INO80: variants seen among roughly 807,000 people sequenced by gnomAD.
INO80 encodes the protein chromatin-remodeling ATPase INO80.
A neutral mutation model predicts 203.4 loss-of-function variants in INO80; 20 were observed. The observed-to-expected ratio is 0.10, with a 90% CI of 0.07 to 0.14. The LOEUF (loss-of-function observed/expected upper bound fraction) is 0.14, where lower values mean the gene tolerates loss of function less well. INO80 is among the 10% of genes least tolerant of loss of function. The pLI, the probability that INO80 is intolerant of heterozygous loss-of-function variation, is 1.00. For synonymous variants in INO80, 726 were observed against 685.2 expected (o/e 1.06, Z -0.93); for missense variants, 1,419 against 1,914.4 (o/e 0.74, Z 4.83).
intron 19 of INO80, 84 bp downstream of exon 19, chr15:41,053,845 A>C: frequency 2.9e-6 from 3 of 1,022,584 alleles, no homozygotes; most frequent in Non-Finnish European, 4.4e-6. Context: ...AACTTCAACT[A>C]AACATATATC....
chr15:41,114,533 A>AC (rs1312702425), intron 1 of INO80, among the ~76,000 whole-genome samples: 5 of 151,610 alleles, frequency 3.3e-5, no homozygotes, highest in Non-Finnish European at 1.5e-5. Flanking sequence ...ACATGGTGAA[A>AC]CCCCGTTTCT....
Position 41,096,393 on chromosome 15 carries a change from T to C in INO80, c.-43-40A>G. On this transcript the variant is annotated intron_variant, in intron 1 of 35. Coordinates refer to ENST00000648947, the MANE Select transcript of INO80 (RefSeq NM_017553.3). ...TAAGAAGTGAAAGATGAAATTACTATCCATTCTCCCTTTCTCTTGCCTGCT... is the reference window on the plus strand; with the variant it reads ...TAAGAAGTGAAAGATGAAATTACTACCCATTCTCCCTTTCTCTTGCCTGCT... 5.8e-6 allele frequency: 8 copies of C among 1,373,524 alleles called. No individual in the cohort carries two copies. The South Asian group carries it at 6.6e-5, about 11-fold the overall frequency. The allele number at this position is 1,373,524 out of a possible 1,614,324, so 85.1% of individuals were successfully genotyped here.
At chr15:41,043,163 G>T (rs78016195) in intron 24 of INO80, among the ~76,000 whole-genome samples, 6,817 of 152,216 alleles carry the variant, frequency 0.045, 279 homozygotes, top group East Asian at 0.21. Flanking sequence ...ATACAAATGA[G>T]TGATGCATAT....
chr15:40,987,764 TG>T, intron 30 of INO80, 51 bp downstream of exon 30: 2 of 1,543,738 alleles, frequency 1.3e-6, no homozygotes, highest in South Asian at 2.3e-5. Context: ...TCAATGTGGT[TG>T]GACTTTCTGT....
chr15:41,101,706 C>T (rs928870517), intron 1 of INO80, among the ~76,000 whole-genome samples: 13 of 151,924 alleles, frequency 8.6e-5, no homozygotes, highest in African/African-American at 2.7e-4. Context: ...CCCGCCACAA[C>T]GCCTGGCTAA....
intron 26 of INO80, among the ~76,000 whole-genome samples, chr15:41,020,539 G>A (rs2044277415): frequency 6.6e-6 from 1 of 152,034 alleles, no homozygotes; most frequent in East Asian, 1.9e-4. Flanking sequence ...TTTAAATGAG[G>A]CTTTCTGTGA....
chr15:41,080,024 T>G (rs2045462544), intron 8 of INO80, 120 bp from the exon 9 acceptor site: 2 of 805,964 alleles, frequency 2.5e-6, no homozygotes, highest in Non-Finnish European at 2.1e-6. Flanking sequence ...TGACCACATC[T>G]TTCTCCTGCA....
At chr15:41,037,534 G>T (rs1477516204) in intron 24 of INO80, among the ~76,000 whole-genome samples, 1 of 151,956 alleles carries the variant, frequency 6.6e-6, no homozygotes, top group African/African-American at 2.4e-5. Context: ...ATAAAATAAT[G>T]TTAAGCTTAG....
chr15:41,039,919 T>C (rs549162782), intron 24 of INO80, among the ~76,000 whole-genome samples: 2 of 152,308 alleles, frequency 1.3e-5, no homozygotes, highest in African/African-American at 4.8e-5. Context: ...TACATGTATA[T>C]AATTTAAAAC....
chr15:41,093,641 A>AT (rs1370377312), intron 4 of INO80, among the ~76,000 whole-genome samples: 1 of 152,058 alleles, frequency 6.6e-6, no homozygotes, highest in Non-Finnish European at 1.5e-5. Flanking sequence ...AGGCAGGCAG[A>AT]TTGCTTGAGC....
chr15:41,072,131 A>G lies in INO80; in HGVS notation c.1396-73T>C. ...ATATTACATGAAAATAAGACTCAAG[A>G]TAACAATATATCTACCCTGTGCTAA... On this transcript the variant is annotated intron_variant, in intron 11 of 35. Transcript: ENST00000648947. The G allele has an allele frequency of 1.1e-5, 11 of 981,506 alleles. No individual in the cohort carries two copies. The South Asian group carries it at 1.3e-4, about 12-fold the overall frequency. The allele number at this position is 981,506 out of a possible 1,614,324, so 60.8% of individuals were successfully genotyped here.
intron 24 of INO80, among the ~76,000 whole-genome samples, chr15:41,037,104 A>G (rs1001920187): frequency 3.9e-5 from 6 of 152,124 alleles, no homozygotes; most frequent in African/African-American, 1.4e-4. Context: ...CTCTATCTCA[A>G]AAAACAAAAC....
intron 3 of INO80, 44 bp from the exon 4 acceptor site, chr15:41,095,712 G>A: frequency 6.2e-7 from 1 of 1,605,800 alleles, no homozygotes; most frequent in Non-Finnish European, 8.5e-7. Context: ...AAGGATGACT[G>A]CCCCAAGATA....
rs758419415 is a variant in INO80, at chr15:41,096,251, G to C, written c.60C>G (p.Leu20=). 2.5e-6 allele frequency: 4 copies of C among 1,612,712 alleles called. No homozygotes were observed. Among genetic ancestry groups the C allele is most frequent in the Admixed American group, 1.7e-5 (1 of 59,440 alleles). ...GGGCCCTCTCCAAGTACTGAAGATAGAGGGGCTTTGCCAGCTCAGTGCAGC... is the reference window on the plus strand; with the variant it reads ...GGGCCCTCTCCAAGTACTGAAGATACAGGGGCTTTGCCAGCTCAGTGCAGC... ...DGGCTELAKP[L]YLQYLERALR... The change falls in exon 2 of 36, where the codon CTC becomes CTG. Residue 20 remains leucine, a synonymous_variant. Coordinates refer to ENST00000648947, the MANE Select transcript of INO80 (RefSeq NM_017553.3).
At chr15:41,032,915 A>ATAG (rs906830433) in intron 24 of INO80, among the ~76,000 whole-genome samples, 5 of 152,048 alleles carry the variant, frequency 3.3e-5, no homozygotes, top group Non-Finnish European at 5.9e-5. Flanking sequence ...GCATGCGCCT[A>ATAG]TAGTCCCAGC....
intron 29 of INO80, among the ~76,000 whole-genome samples, chr15:40,994,204 AG>A (rs1423902200): frequency 7.2e-5 from 11 of 152,138 alleles, no homozygotes; most frequent in Non-Finnish European, 1.3e-4. Flanking sequence ...TCTTTCTGCC[AG>A]GTATATGCTT....
intron 12 of INO80, 126 bp from the exon 13 acceptor site, chr15:41,070,673 C>A (rs755823666): frequency 1.3e-6 from 1 of 753,906 alleles, no homozygotes; most frequent in Non-Finnish European, 2.3e-6. Context: ...TACTCAGCCT[C>A]AGCACTTTTA....
intron 24 of INO80, among the ~76,000 whole-genome samples, chr15:41,036,350 T>C (rs917556913): frequency 1.3e-5 from 2 of 151,994 alleles, no homozygotes; most frequent in African/African-American, 2.4e-5. Context: ...GCAACCTCTA[T>C]TGCAAGTTTC....
At chr15:41,083,551 C>A (rs691358) in intron 7 of INO80, among the ~76,000 whole-genome samples, 4 of 151,280 alleles carry the variant, frequency 2.6e-5, no homozygotes, top group Non-Finnish European at 5.9e-5. Context: ...TCCAAAAATA[C>A]AAAAATTAGC....
Sources: gnomAD v4.1 joint callset for allele counts (sites outside exome capture counted in the v4.1 genomes callset) on GRCh38, gnomAD v4.1.1 for gene constraint, MANE v1.5 for transcripts, NCBI Gene and HGNC (gene_info 2026-07-23, HGNC 2026-07-21) for gene names.